Variants in NEK6 observed in about 807,000 individuals in gnomAD.
NEK6 encodes the protein NIMA related kinase 6.
Under a neutral mutation model 43.5 loss-of-function variants are expected in NEK6, and 27 were observed. That is an observed-to-expected ratio of 0.62 (90% CI 0.46 to 0.86). NEK6 has a LOEUF of 0.86. Ranked by LOEUF, NEK6 falls within the 40% of genes least tolerant of loss-of-function variation. NEK6 has a pLI of 0.00. For missense variants in NEK6, 318 were observed against 414.4 expected, an observed-to-expected ratio of 0.77 and a Z score of 2.02; for synonymous variants, 167 against 164.1, an observed-to-expected ratio of 1.02 and a Z score of -0.14.
chr9:124,346,431 C>T (rs1564665488), intron 8 of NEK6, among the ~76,000 whole-genome samples: 2 of 152,190 alleles, frequency 1.3e-5, no homozygotes, highest in South Asian at 2.1e-4. Flanking sequence ...GGACAAGCGA[C>T]GGTTCCCCAG....
At chr9:124,277,838 C>T (rs192778359) in intron 1 of NEK6, among the ~76,000 whole-genome samples, 17 of 152,272 alleles carry the variant, frequency 1.1e-4, no homozygotes, top group East Asian at 1.9e-4. Context: ...CAGGCTGCCT[C>T]GTGAATCTGC....
chr9:124,298,950 A>C (rs1832828564), intron 1 of NEK6, among the ~76,000 whole-genome samples: 1 of 152,222 alleles, frequency 6.6e-6, no homozygotes, highest in African/African-American at 2.4e-5. Context: ...TGCCCATGTG[A>C]GGCCACAGGT....
intron 1 of NEK6, among the ~76,000 whole-genome samples, chr9:124,284,735 C>T (rs1334046569): frequency 1.3e-5 from 2 of 152,172 alleles, no homozygotes; most frequent in African/African-American, 4.8e-5. Flanking sequence ...AGACCACATG[C>T]ACCGCCTGGT....
At chr9:124,284,273 A>G (rs1832052105) in intron 1 of NEK6, among the ~76,000 whole-genome samples, 3 of 152,246 alleles carry the variant, frequency 2.0e-5, no homozygotes, top group Admixed American at 6.5e-5. Context: ...TGCTTGAACT[A>G]GGGAGGCGGA....
At chr9:124,286,982 C>A (rs570283451) in intron 1 of NEK6, among the ~76,000 whole-genome samples, 34 of 152,282 alleles carry the variant, frequency 2.2e-4, no homozygotes, top group Non-Finnish European at 4.1e-4. Flanking sequence ...CACCTGGGAT[C>A]CAGCTGGGGC....
chr9:124,314,736 C>G (rs374094573), intron 4 of NEK6, among the ~76,000 whole-genome samples: 3 of 152,166 alleles, frequency 2.0e-5, no homozygotes, highest in African/African-American at 7.2e-5. Flanking sequence ...GGCACAATCT[C>G]TGCTCACTGC....
At chr9:124,257,633 G>A (rs1025975393), upstream of NEK6, 18 of 1,506,048 alleles carry the variant, frequency 1.2e-5, no homozygotes, top group Middle Eastern at 1.7e-4. Context: ...GGAATCCGAA[G>A]ACGCACAGGA....
At chr9:124,327,228 G>A in intron 6 of NEK6, 110 bp from the exon 7 acceptor site, 1 of 850,658 alleles carries the variant, frequency 1.2e-6, no homozygotes, top group Non-Finnish European at 2.0e-6. Context: ...GCCTTGCCCT[G>A]AGGGAGCAGG....
intron 2 of NEK6, among the ~76,000 whole-genome samples, chr9:124,306,898 T>TA (rs1397129568): frequency 6.6e-6 from 1 of 152,244 alleles, no homozygotes; most frequent in Non-Finnish European, 1.5e-5. Flanking sequence ...GAAATTCGTT[T>TA]ATAAGAAATG....
chr9:124,313,280 T>C (rs999304684), intron 3 of NEK6, among the ~76,000 whole-genome samples: 2 of 151,942 alleles, frequency 1.3e-5, no homozygotes, highest in South Asian at 2.1e-4. Context: ...GAGAATGGCG[T>C]TGGGGAAATG....
At position 124,275,515 on chromosome 9, in the gene NEK6, G is replaced by A. The variant is rs1161058464; in HGVS notation, c.-30+17430G>A. Among the ~76,000 whole-genome samples, 6 of 152,232 alleles carry A rather than the reference G, an allele frequency of 3.9e-5. No homozygotes were observed. Among genetic ancestry groups the A allele is most frequent in the Non-Finnish European group, 5.9e-5 (4 of 68,038 alleles). On this transcript the variant is annotated intron_variant, in intron 1 of 9. Coordinates refer to ENST00000320246, the MANE Select transcript of NEK6 (RefSeq NM_014397.6). The surrounding 1 kb of genome is among the most constrained non-coding windows in gnomAD (Gnocchi z 4.4). ...GCGGAGCTCCTGGTTCTCTGGGTCT[G>A]TAATGCTTTCCTTCTCACTTCTCAG...
chr9:124,288,673 G>A (rs1442046416), intron 1 of NEK6, among the ~76,000 whole-genome samples: 1 of 152,104 alleles, frequency 6.6e-6, no homozygotes, highest in Non-Finnish European at 1.5e-5. Flanking sequence ...ACCTCACTTG[G>A]TCCTCACGGC....
chr9:124,282,499 G>T (rs992608794), intron 1 of NEK6, among the ~76,000 whole-genome samples: 1 of 152,222 alleles, frequency 6.6e-6, no homozygotes, highest in Non-Finnish European at 1.5e-5. Context: ...TACTCTGGGG[G>T]CGTAAGGGAT....
intron 1 of NEK6, among the ~76,000 whole-genome samples, chr9:124,260,918 C>CCA (rs1407463782): frequency 1.3e-5 from 2 of 152,196 alleles, no homozygotes; most frequent in Non-Finnish European, 2.9e-5. Flanking sequence ...CATGGTCTCC[C>CCA]CACTGTACTA....
intron 1 of NEK6, among the ~76,000 whole-genome samples, chr9:124,266,663 A>G (rs748690285): frequency 4.6e-5 from 7 of 152,230 alleles, no homozygotes; most frequent in Admixed American, 1.3e-4. Flanking sequence ...GTGGACCACA[A>G]CAGTGTTCTC....
chr9:124,316,956 G>A (rs990412542), intron 4 of NEK6, among the ~76,000 whole-genome samples: 1 of 152,180 alleles, frequency 6.6e-6, no homozygotes, highest in African/African-American at 2.4e-5. Flanking sequence ...CAGTTTTTGG[G>A]GAGTCCTCCC....
rs555524951 is a variant in NEK6, at chr9:124,278,911, G to T, written c.-30+20826G>T. On this transcript the variant is annotated intron_variant, in intron 1 of 9. Coordinates refer to ENST00000320246, the MANE Select transcript of NEK6 (RefSeq NM_014397.6). ...GGATCAGTGGAGACCAGGGTGGGGG[G>T]ACCAAGCACGATCTCAGACCTCCTG... Among the ~76,000 whole-genome samples the T allele has an allele frequency of 1.6e-4, 24 of 152,302 alleles. 1 individual carries two copies. Among genetic ancestry groups the T allele is most frequent in the Admixed American group, 1.2e-3 (19 of 15,306 alleles).
intron 9 of NEK6, among the ~76,000 whole-genome samples, chr9:124,348,244 C>T (rs1449380635): frequency 4.6e-5 from 7 of 152,192 alleles, no homozygotes; most frequent in Admixed American, 2.6e-4. Context: ...CAGGAAACTA[C>T]GGCAGGAGGA....
In NEK6 at chr9:124,326,264, C is replaced by T. The variant is rs2130946002; in HGVS notation, c.406-66C>T. 4 of 936,924 alleles carry T rather than the reference C, an allele frequency of 4.3e-6. No homozygotes were observed. Among genetic ancestry groups the T allele is most frequent in the African/African-American group, 1.7e-5 (1 of 60,006 alleles). The allele number at this position is 936,924 out of a possible 1,614,324, so 58.0% of individuals were successfully genotyped here. On this transcript the variant is annotated intron_variant, in intron 5 of 9. Transcript: ENST00000320246. This position sits in a 1 kb window ranked among gnomAD's most constrained non-coding sequence, Gnocchi z 4.5. The stretch of plus-strand genomic sequence containing the variant: ...CTGGGGAAAGGACAGAGGCAGTGCC[C>T]TGTGGCCACCCACCTCCAAGCCCGC...
Sources: allele counts gnomAD v4.1 joint callset (sites outside exome capture counted in the v4.1 genomes callset), GRCh38; gene constraint gnomAD v4.1.1; non-coding constraint Gnocchi (gnomAD v3.1); transcripts MANE v1.5; gene names NCBI Gene and HGNC (gene_info 2026-07-23, HGNC 2026-07-21).